The following CCSER2 variants were observed in gnomAD, a reference collection of about 807,000 sequenced individuals.
CCSER2 encodes the protein serine-rich coiled-coil domain-containing protein 2.
A neutral mutation model predicts 92.3 loss-of-function variants in CCSER2; 46 were observed. The observed-to-expected ratio is 0.50, with a 90% CI of 0.39 to 0.64. The LOEUF (loss-of-function observed/expected upper bound fraction) is 0.64, where lower values mean the gene tolerates loss of function less well. CCSER2 is among the 30% of genes least tolerant of loss of function. CCSER2 has a pLI of 0.00. For missense variants in CCSER2, 1,244 were observed against 1,238.9 expected (o/e 1.00, Z -0.06); for synonymous variants, 433 against 431.4 (o/e 1.00, Z -0.04).
chr10:84,417,037 A>T (rs1428370319), intron 3 of CCSER2, among the ~76,000 whole-genome samples: 1 of 152,192 alleles, frequency 6.6e-6, no homozygotes, highest in Non-Finnish European at 1.5e-5. Context: ...TGATATTTGG[A>T]TTCATTCTTG....
chr10:84,336,735 G>C (rs1843857643), intron 1 of CCSER2, among the ~76,000 whole-genome samples: 1 of 152,150 alleles, frequency 6.6e-6, no homozygotes, highest in African/African-American at 2.4e-5. Flanking sequence ...GCTTTTAAAA[G>C]GTGGGGAGCC....
At chr10:84,439,474 C>T (rs774443803) in intron 6 of CCSER2, among the ~76,000 whole-genome samples, 5 of 152,206 alleles carry the variant, frequency 3.3e-5, no homozygotes, top group African/African-American at 4.8e-5. Context: ...CCTGACTTCT[C>T]TCTGCTGCTC....
chr10:84,371,216 G>A lies in CCSER2; in HGVS notation c.164G>A (p.Gly55Asp), dbSNP rs775529772. 1 of 1,613,058 alleles carries A rather than the reference G, an allele frequency of 6.2e-7. No individual in the cohort carries two copies. Among genetic ancestry groups the A allele is most frequent in the Non-Finnish European group, 8.5e-7 (1 of 1,179,642 alleles). Reference protein sequence around the residue: ...SNVKSYIKNNGSDCPSSHSFN... With the variant: ...SNVKSYIKNNDSDCPSSHSFN... ...GTCAAAAGTTACATCAAAAATAATG[G>A]CTCTGATTGTCCATCATCTCATTCA... The change falls in exon 2 of 10, where the codon GGC (glycine) becomes GAC (aspartate). Residue 55 changes from glycine (G) to aspartate (D), a missense_variant. Gly to Asp is a moderately conservative substitution (Grantham distance 94). Coordinates refer to ENST00000372088, the MANE Select transcript of CCSER2 (RefSeq NM_001284240.2).
chr10:84,517,358 C>G lies in CCSER2; in HGVS notation c.*3091C>G, dbSNP rs1849630512. The stretch of plus-strand genomic sequence containing the variant: ...GGATTATAGAGTTATGTCATTTAGA[C>G]TGTTTCTAATAACTGAGACCATCTA... On this transcript the variant is annotated 3_prime_UTR_variant, in exon 10 of 10. Transcript: ENST00000372088. 6.6e-6 allele frequency: 1 copy of G among 152,606 alleles called. No homozygotes were observed. The highest frequency in any genetic ancestry group is 2.1e-4 in the South Asian group (1 of 4,834). 9.5% of individuals were successfully genotyped at this position (152,606 alleles called of 1,614,324 possible).
intron 3 of CCSER2, among the ~76,000 whole-genome samples, chr10:84,399,674 C>G (rs926175344): frequency 6.6e-6 from 1 of 152,034 alleles, no homozygotes; most frequent in African/African-American, 2.4e-5. Context: ...TATATCCCCT[C>G]CATTGTTTCT....
At chr10:84,388,693 C>T (rs1469898165) in intron 3 of CCSER2, among the ~76,000 whole-genome samples, 1 of 152,148 alleles carries the variant, frequency 6.6e-6, no homozygotes, top group Non-Finnish European at 1.5e-5. Flanking sequence ...GACTGGAGTG[C>T]AGATGGAGAT....
chr10:84,351,879 G>C (rs994296017), intron 1 of CCSER2, among the ~76,000 whole-genome samples: 17 of 152,144 alleles, frequency 1.1e-4, no homozygotes, highest in Non-Finnish European at 2.4e-4. Context: ...CTGCTGTATT[G>C]ACAGGGCAGA....
chr10:84,359,115 A>G (rs1216619762), intron 1 of CCSER2, among the ~76,000 whole-genome samples: 1 of 151,678 alleles, frequency 6.6e-6, no homozygotes, highest in African/African-American at 2.4e-5. Context: ...CAGGACATAC[A>G]CTTTTTTGTC....
intron 8 of CCSER2, among the ~76,000 whole-genome samples, chr10:84,477,073 A>G (rs1210737168): frequency 6.6e-6 from 1 of 152,200 alleles, no homozygotes; most frequent in Non-Finnish European, 1.5e-5. Context: ...CTGTAGTACC[A>G]TGACAGTTTA....
At chr10:84,344,882 G>A (rs1844395102) in intron 1 of CCSER2, among the ~76,000 whole-genome samples, 2 of 152,138 alleles carry the variant, frequency 1.3e-5, no homozygotes, top group Non-Finnish European at 2.9e-5. Context: ...GTCTATATGT[G>A]ATTTCCCTAA....
intron 5 of CCSER2, among the ~76,000 whole-genome samples, chr10:84,431,396 T>TA (rs1161641682): frequency 2.0e-5 from 3 of 152,108 alleles, no homozygotes; most frequent in Admixed American, 2.0e-4. Context: ...TTCTTTCACT[T>TA]ACCAAAATAC....
intron 1 of CCSER2, among the ~76,000 whole-genome samples, chr10:84,331,985 G>C (rs1843583693): frequency 6.6e-6 from 1 of 151,998 alleles, no homozygotes; most frequent in South Asian, 2.1e-4. Flanking sequence ...TTATCATTTT[G>C]CTTCTTCCCT....
chr10:84,489,203 A>G (rs1023318072), intron 9 of CCSER2, among the ~76,000 whole-genome samples: 1 of 152,168 alleles, frequency 6.6e-6, no homozygotes, highest in Non-Finnish European at 1.5e-5. Context: ...GCTGAGAAGA[A>G]TGTATAGTCT....
intron 5 of CCSER2, among the ~76,000 whole-genome samples, chr10:84,435,238 T>C (rs1024042195): frequency 6.6e-6 from 1 of 152,196 alleles, no homozygotes; most frequent in Non-Finnish European, 1.5e-5. Context: ...CAGATAGGAT[T>C]TAAACCTAAA....
intron 1 of CCSER2, among the ~76,000 whole-genome samples, chr10:84,330,982 C>G (rs1378895841): frequency 1.3e-5 from 2 of 152,070 alleles, no homozygotes; most frequent in Non-Finnish European, 2.9e-5. Context: ...ACTTTTGCCC[C>G]CAGTCTCCTA....
intron 4 of CCSER2, among the ~76,000 whole-genome samples, chr10:84,422,361 C>T (rs938978032): frequency 6.6e-6 from 1 of 152,136 alleles, no homozygotes; most frequent in African/African-American, 2.4e-5. Flanking sequence ...ATTTTAGTGC[C>T]TGTATCAATA....
chr10:84,372,544 CAGAT>C (rs1846121256), intron 2 of CCSER2, 75 bp downstream of exon 2: 3 of 884,754 alleles, frequency 3.4e-6, no homozygotes, highest in Admixed American at 2.5e-5. Flanking sequence ...GGATTATCTT[CAGAT>C]AGATTTCAAG....
intron 9 of CCSER2, among the ~76,000 whole-genome samples, chr10:84,495,087 C>G (rs970163103): frequency 2.0e-5 from 3 of 147,836 alleles, no homozygotes; most frequent in Admixed American, 6.8e-5. Context: ...TCTTTTCTGT[C>G]TCTACTTCAG....
intron 3 of CCSER2, chr10:84,392,141 G>C (rs1175750016): frequency 1.8e-5 from 11 of 606,692 alleles, no homozygotes; most frequent in Admixed American, 5.1e-5. Context: ...TACCCTTTAC[G>C]GGGGGAAGGG....
Sources: allele counts gnomAD v4.1 joint callset (sites outside exome capture counted in the v4.1 genomes callset), GRCh38; gene constraint gnomAD v4.1.1; transcripts MANE v1.5; gene names NCBI Gene and HGNC (gene_info 2026-07-23, HGNC 2026-07-21).